The following NBPF6 variants were observed in gnomAD, a reference collection of about 807,000 sequenced individuals.
NBPF6 encodes NBPF family member NBPF6.
In NBPF6, 2 loss-of-function variants were observed where a neutral mutation model predicts 20.8. The observed-to-expected ratio is 0.10, with a 90% CI of 0.04 to 0.30. The LOEUF (loss-of-function observed/expected upper bound fraction) is 0.30, where lower values mean the gene tolerates loss of function less well. Ranked by LOEUF, NBPF6 falls within the 10% of genes least tolerant of loss-of-function variation. The pLI, the probability that NBPF6 is intolerant of heterozygous loss-of-function variation, is 1.00. For missense variants in NBPF6, 85 were observed against 260.3 expected (o/e 0.33, Z 4.63); for synonymous variants, 24 against 100.0 (o/e 0.24, Z 4.53).
At chr1:108,438,892 TACTC>T in the NBPF6 span, among the ~76,000 whole-genome samples, 2 of 6,364 alleles carry the variant, frequency 3.1e-4, no homozygotes, top group Admixed American at 2.3e-3. Context: ...GTTAACATGA[TACTC>T]AATCAAGAAA....
intron 3 of NBPF6, among the ~76,000 whole-genome samples, chr1:108,452,567 C>T (rs1285204657): frequency 1.3e-4 from 9 of 67,444 alleles, no homozygotes; most frequent in Admixed American, 1.2e-3. Flanking sequence ...AAGTGAACCA[C>T]TCAGAAGCAT....
chr1:108,453,016 A>G (rs1329237127), intron 3 of NBPF6, among the ~76,000 whole-genome samples, 165 bp from the exon 4 acceptor site: 1 of 61,852 alleles, frequency 1.6e-5, no homozygotes, highest in Admixed American at 1.5e-4. Flanking sequence ...GTGTATATAT[A>G]TATATATTCT....
chr1:108,437,883 G>A, the NBPF6 span, among the ~76,000 whole-genome samples: 2 of 45,196 alleles, frequency 4.4e-5, no homozygotes, highest in African/African-American at 7.4e-5. Flanking sequence ...GAAAGAAAGA[G>A]AAAAAGGAAG....
chr1:108,448,317 C>T (rs1312832373), upstream of NBPF6, among the ~76,000 whole-genome samples: 28 of 147,340 alleles, frequency 1.9e-4, no homozygotes, highest in African/African-American at 6.7e-4. Context: ...TATAAAAAGG[C>T]AAAAGTCTTA....
rs537691423 is a variant in NBPF6, at chr1:108,470,733, A to G, written c.*95A>G. 1.1e-5 allele frequency: 10 copies of G among 896,350 alleles called. No homozygotes were observed. The highest frequency in any genetic ancestry group is 1.4e-5 in the Non-Finnish European group (8 of 587,894). 55.5% of individuals were successfully genotyped at this position (896,350 alleles called of 1,614,324 possible). ...AAACACAATACTGCAGGGGTCCTTC[A>G]CTGAGGATTGAATTTCAGACACAGA... On this transcript the variant is annotated 3_prime_UTR_variant, in exon 15 of 15. Coordinates refer to ENST00000495380, the MANE Select transcript of NBPF6 (RefSeq NM_001143988.2).
chr1:108,447,746 C>A (rs1002500246), upstream of NBPF6, among the ~76,000 whole-genome samples: 1 of 136,496 alleles, frequency 7.3e-6, no homozygotes, highest in African/African-American at 2.8e-5. Flanking sequence ...TTGGACAGTG[C>A]GTGGAAATGG....
At chr1:108,449,346 G>A (rs9728443), upstream of NBPF6, among the ~76,000 whole-genome samples, 1,456 of 11,424 alleles carry the variant, frequency 0.13, 428 homozygotes, top group African/African-American at 0.18. Flanking sequence ...CCAACCACCC[G>A]TGACCATGAG....
the NBPF6 span, among the ~76,000 whole-genome samples, chr1:108,437,829 G>A: frequency 3.2e-5 from 1 of 31,322 alleles, no homozygotes; most frequent in African/African-American, 8.8e-5. Flanking sequence ...GCAGGGGAGG[G>A]GAGGGGAGGG....
the NBPF6 span, among the ~76,000 whole-genome samples, chr1:108,437,787 AGAGG>A: frequency 8.7e-5 from 2 of 22,884 alleles, 1 homozygote; most frequent in African/African-American, 2.0e-4. Context: ...AGGGAGGGAG[AGAGG>A]GAGGGAGGGG....
At chr1:108,468,245 G>A (rs2101060195) in intron 14 of NBPF6, among the ~76,000 whole-genome samples, 1 of 150,398 alleles carries the variant, frequency 6.6e-6, no homozygotes, top group Non-Finnish European at 1.5e-5. Context: ...CTACTGGCCT[G>A]GAGTCAGGTT....
intron 9 of NBPF6, among the ~76,000 whole-genome samples, chr1:108,459,437 G>T (rs1453798937): frequency 6.7e-6 from 1 of 149,912 alleles, no homozygotes; most frequent in Admixed American, 6.7e-5. Context: ...TAGCACAGTG[G>T]TGAGCATTTC....
At chr1:108,449,416 CTATATA>C (rs1165819915), upstream of NBPF6, among the ~76,000 whole-genome samples, 4,019 of 8,882 alleles carry the variant, frequency 0.45, 1,183 homozygotes, top group African/African-American at 0.52. Context: ...GTTAGAACAA[CTATATA>C]TATATATATA....
intron 14 of NBPF6, among the ~76,000 whole-genome samples, chr1:108,470,134 T>C (rs1446706665): frequency 1.2e-5 from 1 of 85,278 alleles, no homozygotes; most frequent in Non-Finnish European, 2.3e-5. Flanking sequence ...CTGCTTCTCA[T>C]ATCCAGGGTT....
upstream of NBPF6, among the ~76,000 whole-genome samples, chr1:108,448,177 C>A (rs141758896): frequency 0.013 from 1,838 of 145,856 alleles, 176 homozygotes; most frequent in Non-Finnish European, 0.016. Context: ...GGAAAGCATG[C>A]CTCTCAGCAG....
rs531530640 is a variant in NBPF6 at position 108,467,799 on chromosome 1, T to A, written c.1875+134T>A. On this transcript the variant is annotated intron_variant, in intron 14 of 14. Coordinates refer to ENST00000495380, the MANE Select transcript of NBPF6 (RefSeq NM_001143988.2). ...GCTCTAACCTCTGTCTGGTCTTAGCTCTGTGTCCCATGGGCTCCCACCCTG... is the reference window on the plus strand; with the variant it reads ...GCTCTAACCTCTGTCTGGTCTTAGCACTGTGTCCCATGGGCTCCCACCCTG... 12 of 1,035,834 alleles carry A rather than the reference T, an allele frequency of 1.2e-5. No homozygotes were observed. The East Asian group carries it at 2.8e-4, about 25-fold the overall frequency. 64.2% of individuals were successfully genotyped at this position (1,035,834 alleles called of 1,614,324 possible).
Position 108,471,433 on chromosome 1 carries a change from G to T in NBPF6, c.*795G>T, listed in dbSNP as rs144611841. Among the ~76,000 whole-genome samples, 497 of 152,310 alleles carry T rather than the reference G, an allele frequency of 3.3e-3. 2 individuals are homozygous for T. The highest frequency in any genetic ancestry group is 0.011 in the African/African-American group (475 of 41,576). On this transcript the variant is annotated 3_prime_UTR_variant, in exon 15 of 15. Coordinates refer to ENST00000495380, the MANE Select transcript of NBPF6 (RefSeq NM_001143988.2). ...AGAAGGCCCAGTGTGTCCATCCCCAGTGCGGTGATACTAGGATGTTCACTT... is the reference window on the plus strand; with the variant it reads ...AGAAGGCCCAGTGTGTCCATCCCCATTGCGGTGATACTAGGATGTTCACTT...
chr1:108,452,204 A>G lies in NBPF6; in HGVS notation c.193A>G (p.Lys65Glu). The G allele has an allele frequency of 1.4e-5, 7 of 507,474 alleles. No individual in the cohort carries two copies. The highest frequency in any genetic ancestry group is 2.0e-5 in the Non-Finnish European group (6 of 304,476). The allele number at this position is 507,474 out of a possible 1,614,324, so 31.4% of individuals were successfully genotyped here. A position where few individuals can be genotyped will look rare whatever the true frequency, so the allele number is the denominator to read the frequency against. Residue 65 changes from lysine (K) to glutamate (E), a missense_variant, in exon 3 of 15, where the codon AAA (lysine) becomes GAA (glutamate). Physicochemically the swap from Lys to Glu is moderately conservative, Grantham distance 56 (BLOSUM62 1). Transcript: ENST00000495380. ...QLKKYKCEEY[K>E]DIIDSVLRDE... Reference sequence around the variant, plus strand: ...TCTTTTCTCAGAGTGTGAAGAGTACAAAGACATCATAGACTCTGTGCTGAG... The same window carrying G: ...TCTTTTCTCAGAGTGTGAAGAGTACGAAGACATCATAGACTCTGTGCTGAG...
Position 108,471,632 on chromosome 1 carries a change from A to C in NBPF6, c.*994A>C, listed in dbSNP as rs879516751. Among the ~76,000 whole-genome samples, 1 of 152,204 alleles carries C rather than the reference A, an allele frequency of 6.6e-6. No individual in the cohort carries two copies. On this transcript the variant is annotated 3_prime_UTR_variant, in exon 15 of 15. Transcript: ENST00000495380. The stretch of plus-strand genomic sequence containing the variant: ...TCAGTTATTATATTTATGTTTTTAC[A>C]TTGGAAATTGTCTTCTCAAAATTTT...
chr1:108,449,462 C>A (rs868062890), upstream of NBPF6, among the ~76,000 whole-genome samples: 10 of 9,092 alleles, frequency 1.1e-3, no homozygotes, highest in South Asian at 0.019. Context: ...ATATATATAT[C>A]TCCAACAATA....
Sources: allele counts gnomAD v4.1 joint callset (sites outside exome capture counted in the v4.1 genomes callset), GRCh38; gene constraint gnomAD v4.1.1; transcripts MANE v1.5; gene names NCBI Gene and HGNC (gene_info 2026-07-23, HGNC 2026-07-21).